FHIT: variants seen among roughly 807,000 people sequenced by gnomAD.
FHIT encodes bis(5'-adenosyl)-triphosphatase.
Under a neutral mutation model 17.9 loss-of-function variants are expected in FHIT, and 19 were observed. The observed-to-expected ratio is 1.06, with a 90% CI of 0.74 to 1.56. FHIT has a LOEUF of 1.56. FHIT is among the 40% of genes most tolerant of loss of function. FHIT has a pLI of 0.00. For synonymous variants in FHIT, 81 were observed against 69.7 expected (o/e 1.16, Z -0.81); for missense variants, 248 against 189.2 (o/e 1.31, Z -1.82).
intron 5 of FHIT, among the ~76,000 whole-genome samples, chr3:60,302,234 G>C (rs1171439409): frequency 6.6e-6 from 1 of 152,012 alleles, no homozygotes; most frequent in Non-Finnish European, 1.5e-5. Context: ...GGAAAGCTTG[G>C]TTTTTATTGG....
chr3:61,231,094 T>C (rs1022398896), intron 1 of FHIT, among the ~76,000 whole-genome samples: 2 of 152,192 alleles, frequency 1.3e-5, no homozygotes, highest in East Asian at 1.9e-4. Context: ...TTTTACAAAA[T>C]GTTATCATGA....
intron 5 of FHIT, among the ~76,000 whole-genome samples, chr3:60,088,497 C>A (rs186197289): frequency 3.2e-4 from 49 of 152,290 alleles, no homozygotes; most frequent in African/African-American, 9.4e-4. Flanking sequence ...CGAGTATCAT[C>A]CTACATCATC....
chr3:59,788,231 A>C (rs1484864062), intron 8 of FHIT, among the ~76,000 whole-genome samples: 1 of 152,092 alleles, frequency 6.6e-6, no homozygotes. Flanking sequence ...ACACATACCC[A>C]AGGCGAGGCT....
At chr3:60,397,803 G>C (rs1206722714) in intron 5 of FHIT, among the ~76,000 whole-genome samples, 1 of 152,176 alleles carries the variant, frequency 6.6e-6, no homozygotes, top group East Asian at 1.9e-4. Flanking sequence ...ACTTTCCTCT[G>C]ATTGATCCTC....
chr3:60,185,907 G>A (rs914167041), intron 5 of FHIT, among the ~76,000 whole-genome samples: 5 of 152,142 alleles, frequency 3.3e-5, no homozygotes, highest in Admixed American at 6.5e-5. Flanking sequence ...AACATGTGAC[G>A]TTGAACATCT....
intron 5 of FHIT, among the ~76,000 whole-genome samples, chr3:60,102,951 T>C (rs1704255613): frequency 6.6e-6 from 1 of 151,992 alleles, no homozygotes; most frequent in Non-Finnish European, 1.5e-5. Context: ...TATGGGGGAG[T>C]TGTGGAAAGT....
At chr3:60,589,062 C>T (rs541631736) in intron 4 of FHIT, among the ~76,000 whole-genome samples, 17 of 151,918 alleles carry the variant, frequency 1.1e-4, no homozygotes, top group Admixed American at 1.1e-3. Context: ...GTGACTCACC[C>T]GTTGGAGTCA....
chr3:60,209,092 T>C lies in FHIT; in HGVS notation c.104-194940A>G, dbSNP rs1047891494. On this transcript the variant is annotated intron_variant, in intron 5 of 9. Transcript: ENST00000492590. ...GTACTCTAAATACATCATTCAAATT[T>C]CAAAATAGAACCTAAAAAACAAATG... Among the ~76,000 whole-genome samples the C allele has an allele frequency of 2.9e-4, 44 of 152,166 alleles. 1 individual carries two copies. Among genetic ancestry groups the C allele is most frequent in the Non-Finnish European group, 8.8e-5 (6 of 68,028 alleles).
rs2033746963 is a variant in FHIT, at chr3:60,484,379, A to G, written c.103+52481T>C. Among the ~76,000 whole-genome samples the G allele has an allele frequency of 2.0e-5, 3 of 152,242 alleles. No homozygotes were observed. In the South Asian group the frequency reaches 6.2e-4, roughly 32 times the overall value. ...ATAGCCAAGACAATCCTAAGCAAAAAGAATAAAGCTGGAGGTATCAGGCTA... is the reference window on the plus strand; with the variant it reads ...ATAGCCAAGACAATCCTAAGCAAAAGGAATAAAGCTGGAGGTATCAGGCTA... On this transcript the variant is annotated intron_variant, in intron 5 of 9. Transcript: ENST00000492590.
chr3:60,396,561 A>C (rs917637554), intron 5 of FHIT, among the ~76,000 whole-genome samples: 3 of 152,182 alleles, frequency 2.0e-5, no homozygotes, highest in Admixed American at 2.0e-4. Context: ...AATATATTGT[A>C]CGATTCCATT....
intron 5 of FHIT, among the ~76,000 whole-genome samples, chr3:60,362,754 T>C (rs1699953990): frequency 6.6e-6 from 1 of 152,220 alleles, no homozygotes. Flanking sequence ...CAATAAAACG[T>C]GGATCAGATT....
rs576898996 is a variant in FHIT, at chr3:60,553,424, A to G, written c.-17-16445T>C. On this transcript the variant is annotated intron_variant, in intron 4 of 9. Transcript: ENST00000492590. ...TCCGACGGAGACCTTTTATGCAAAA[A>G]GAGGTCACTGCTTTAAAATATATAT... is the stretch of plus-strand genomic sequence containing the variant. The G allele has an allele frequency of 1.0e-5, 9 of 900,120 alleles. No individual in the cohort carries two copies. In the Admixed American group the frequency reaches 5.8e-4, roughly 58 times the overall value. The allele number at this position is 900,120 out of a possible 1,614,324, so 55.8% of individuals were successfully genotyped here. A position where few individuals can be genotyped will look rare whatever the true frequency, so the allele number is the denominator to read the frequency against.
chr3:60,844,975 T>C (rs1553746056), intron 3 of FHIT, among the ~76,000 whole-genome samples: 2 of 152,194 alleles, frequency 1.3e-5, no homozygotes, highest in African/African-American at 4.8e-5. Flanking sequence ...GATAGTCTAC[T>C]CTAGATTTGT....
chr3:60,215,241 C>T (rs1289890280), intron 5 of FHIT, among the ~76,000 whole-genome samples: 1 of 152,100 alleles, frequency 6.6e-6, no homozygotes, highest in African/African-American at 2.4e-5. Context: ...GCTGTAATCC[C>T]AGCACGTTGG....
chr3:59,939,028 G>C (rs565227579), intron 7 of FHIT, among the ~76,000 whole-genome samples: 1 of 152,248 alleles, frequency 6.6e-6, no homozygotes, highest in East Asian at 1.9e-4. Flanking sequence ...GTGGCTTTGA[G>C]GCACAAACGA....
intron 4 of FHIT, among the ~76,000 whole-genome samples, chr3:60,773,475 T>C (rs1460842481): frequency 6.6e-6 from 1 of 152,232 alleles, no homozygotes; most frequent in Admixed American, 6.5e-5. Context: ...TATTAAATCA[T>C]TTTCCCTGGT....
intron 5 of FHIT, among the ~76,000 whole-genome samples, chr3:60,450,850 A>G (rs1042530703): frequency 6.6e-6 from 1 of 152,228 alleles, no homozygotes; most frequent in East Asian, 1.9e-4. Context: ...TTTAAGAATT[A>G]GGTACTAGTG....
chr3:59,803,198 T>C (rs1700067759), intron 8 of FHIT, among the ~76,000 whole-genome samples: 1 of 152,218 alleles, frequency 6.6e-6, no homozygotes, highest in South Asian at 2.1e-4. Flanking sequence ...AAAAGCTCAG[T>C]ACATTAATTA....
chr3:59,783,711 A>G (rs917993608), intron 8 of FHIT, among the ~76,000 whole-genome samples: 2 of 152,132 alleles, frequency 1.3e-5, no homozygotes, highest in Non-Finnish European at 2.9e-5. Flanking sequence ...TGATGTGGTG[A>G]GCACACACCT....
Sources: allele counts gnomAD v4.1 joint callset (sites outside exome capture counted in the v4.1 genomes callset), GRCh38; gene constraint gnomAD v4.1.1; transcripts MANE v1.5; gene names NCBI Gene and HGNC (gene_info 2026-07-23, HGNC 2026-07-21).